The following DLGAP2 variants were observed in gnomAD, a reference collection of about 807,000 sequenced individuals.
DLGAP2 encodes the protein DLG associated protein 2, also known as disks large-associated protein 2.
A neutral mutation model predicts 100.3 loss-of-function variants in DLGAP2; 26 were observed. The ratio of observed to expected loss-of-function variants is 0.26; its 90% confidence interval spans 0.19 to 0.36. The LOEUF is 0.36. Ranked by LOEUF, DLGAP2 falls within the 10% of genes least tolerant of loss-of-function variation. DLGAP2 has a pLI of 1.00. For synonymous variants in DLGAP2, 886 were observed against 630.1 expected (o/e 1.41, Z -6.08); for missense variants, 1,858 against 1,453.2 (o/e 1.28, Z -4.53).
chr8:1,164,309 T>TCA lies in DLGAP2; in HGVS notation c.74-94542_74-94541insCA, dbSNP rs1332639141. 2.1e-4 allele frequency among the ~76,000 whole-genome samples: 21 copies of TCA among 100,656 alleles called. 3 individuals are homozygous for TCA. Among genetic ancestry groups the TCA allele is most frequent in the Non-Finnish European group, 4.4e-4 (19 of 42,728 alleles). The allele number at this position is 100,656 out of a possible 152,430, so 66.0% of individuals were successfully genotyped here. On this transcript the variant is annotated intron_variant, in intron 2 of 14. Transcript: ENST00000637795. ...CTGATTGTGAGCCCCCCAGGGTTTG[T>TCA]TTTTGTTTGTGGGGACAGATTTTTC...
intron 2 of DLGAP2, among the ~76,000 whole-genome samples, chr8:976,985 G>C (rs1321161310): frequency 1.3e-5 from 2 of 152,214 alleles, no homozygotes; most frequent in African/African-American, 2.4e-5. Flanking sequence ...CATGTTCAGA[G>C]AATGAAATGA....
intron 3 of DLGAP2, among the ~76,000 whole-genome samples, chr8:1,436,059 C>T (rs758622010): frequency 2.0e-5 from 3 of 152,036 alleles, no homozygotes; most frequent in Non-Finnish European, 4.4e-5. Context: ...AGTCTGGGTT[C>T]TCTAGAGGGA....
chr8:1,542,450 G>A (rs927501233), intron 4 of DLGAP2, among the ~76,000 whole-genome samples: 2 of 152,324 alleles, frequency 1.3e-5, no homozygotes, highest in Middle Eastern at 3.4e-3. Context: ...TCCATTTTGA[G>A]ATCTGCCTGT....
intron 12 of DLGAP2, among the ~76,000 whole-genome samples, chr8:1,681,063 G>GA (rs1798931809): frequency 6.6e-6 from 1 of 151,926 alleles, no homozygotes; most frequent in Admixed American, 6.6e-5. Flanking sequence ...TAGGAGAGAG[G>GA]AAAAAATTTA....
rs1384132936 is a variant in DLGAP2 at position 1,689,433 on chromosome 8, C to T, written c.2705-2102C>T. On this transcript the variant is annotated intron_variant, in intron 12 of 14. Transcript: ENST00000637795. ...ACAGATTAAGTGGGGATGGATCTCT[C>T]GCCTCTGCGTTCAAGGGGGCAAATC... 3.3e-5 allele frequency among the ~76,000 whole-genome samples: 5 copies of T among 152,288 alleles called. No homozygotes were observed. In the East Asian group the frequency reaches 7.7e-4, roughly 24 times the overall value.
chr8:1,174,147 G>A (rs1448054332), intron 2 of DLGAP2, among the ~76,000 whole-genome samples: 2 of 152,114 alleles, frequency 1.3e-5, no homozygotes, highest in African/African-American at 4.8e-5. Flanking sequence ...GGCTGGAACT[G>A]GGTATTGAAG....
chr8:1,333,531 G>A (rs561873892), intron 3 of DLGAP2, among the ~76,000 whole-genome samples: 11 of 152,238 alleles, frequency 7.2e-5, no homozygotes, highest in South Asian at 4.1e-4. Context: ...TTCTCCTCCC[G>A]TGAGTCCTGT....
intron 3 of DLGAP2, among the ~76,000 whole-genome samples, chr8:1,343,513 G>T (rs916992772): frequency 3.3e-5 from 5 of 152,208 alleles, no homozygotes; most frequent in African/African-American, 9.6e-5. Context: ...CAGGGCCCAG[G>T]TAAGCAAAGA....
chr8:1,385,057 T>G (rs111556321), intron 3 of DLGAP2, among the ~76,000 whole-genome samples: 1,453 of 32,318 alleles, frequency 0.045, no homozygotes, highest in Middle Eastern at 0.15. Context: ...CCTGTGCCCG[T>G]CCCCTGAGAA....
intron 1 of DLGAP2, among the ~76,000 whole-genome samples, chr8:871,756 A>T (rs1265837699): frequency 1.3e-5 from 2 of 152,166 alleles, no homozygotes; most frequent in Admixed American, 6.5e-5. Context: ...TGGGTAAGGG[A>T]CACTCAGCCT....
At chr8:1,201,756 C>A (rs1226621417) in intron 2 of DLGAP2, among the ~76,000 whole-genome samples, 1 of 150,908 alleles carries the variant, frequency 6.6e-6, no homozygotes, top group South Asian at 2.1e-4. Context: ...GTGTGCTGTG[C>A]CCTCCCTCAT....
At chr8:800,891 G>A (rs1364619771) in intron 1 of DLGAP2, among the ~76,000 whole-genome samples, 1 of 152,120 alleles carries the variant, frequency 6.6e-6, no homozygotes, top group Non-Finnish European at 1.5e-5. Flanking sequence ...GCAATCCCCG[G>A]CCGTGCTGTG....
intron 2 of DLGAP2, among the ~76,000 whole-genome samples, chr8:1,226,208 A>G (rs934938319): frequency 3.9e-5 from 6 of 152,218 alleles, no homozygotes. Context: ...TCACAAGAGC[A>G]AAGACACAGA....
At chr8:1,214,211 T>A (rs1290376874) in intron 2 of DLGAP2, among the ~76,000 whole-genome samples, 2 of 152,060 alleles carry the variant, frequency 1.3e-5, no homozygotes, top group African/African-American at 4.8e-5. Flanking sequence ...ATTCTTCAAG[T>A]CTCATTTTAA....
intron 1 of DLGAP2, among the ~76,000 whole-genome samples, chr8:892,399 G>T (rs141672096): frequency 2.8e-4 from 43 of 152,278 alleles, no homozygotes; most frequent in Non-Finnish European, 5.1e-4. Flanking sequence ...CGAGGCTATG[G>T]GGTGGATGAA....
At chr8:982,969 C>T (rs976039801) in intron 2 of DLGAP2, among the ~76,000 whole-genome samples, 10 of 147,152 alleles carry the variant, frequency 6.8e-5, no homozygotes, top group South Asian at 4.3e-4. Flanking sequence ...TTGCCAAATG[C>T]GTATATCTGC....
At chr8:1,410,183 C>G (rs1285211352) in intron 3 of DLGAP2, among the ~76,000 whole-genome samples, 11 of 152,122 alleles carry the variant, frequency 7.2e-5, no homozygotes, top group African/African-American at 2.7e-4. Flanking sequence ...AGACTGCAAG[C>G]TTCGATCAGG....
intron 1 of DLGAP2, among the ~76,000 whole-genome samples, chr8:861,265 C>T (rs550117669): frequency 3.9e-5 from 6 of 152,272 alleles, no homozygotes; most frequent in African/African-American, 7.2e-5. Context: ...CTAGGAGCTG[C>T]GTATCTGGGA....
intron 3 of DLGAP2, among the ~76,000 whole-genome samples, chr8:1,413,464 A>G (rs1007321410): frequency 6.6e-6 from 1 of 152,240 alleles, no homozygotes; most frequent in East Asian, 1.9e-4. Context: ...AAAAGTCACT[A>G]TGCATATTTT....
Sources: allele counts gnomAD v4.1 joint callset (sites outside exome capture counted in the v4.1 genomes callset), GRCh38; gene constraint gnomAD v4.1.1; transcripts MANE v1.5; gene names NCBI Gene and HGNC (gene_info 2026-07-23, HGNC 2026-07-21).